PTPRD: variants seen among roughly 807,000 people sequenced by gnomAD.
PTPRD encodes receptor-type tyrosine-protein phosphatase delta.
PTPRD carries 34 observed loss-of-function variants against 214.5 expected under a neutral mutation model. That is an observed-to-expected ratio of 0.16 (90% CI 0.12 to 0.21). The LOEUF (loss-of-function observed/expected upper bound fraction) is 0.21. Among genes scored for constraint, PTPRD ranks in the 10% least tolerant of loss-of-function variants. PTPRD has a pLI of 1.00. For missense variants in PTPRD, 2,545 were observed against 2,398.7 expected, an observed-to-expected ratio of 1.06 and a Z score of -1.27; for synonymous variants, 1,128 against 845.7, an observed-to-expected ratio of 1.33 and a Z score of -5.79.
At chr9:9,463,954 A>T (rs923389049) in intron 8 of PTPRD, among the ~76,000 whole-genome samples, 2 of 152,158 alleles carry the variant, frequency 1.3e-5, no homozygotes. Context: ...CTCACTCATC[A>T]TGACTGCATA....
At chr9:9,033,442 AGG>A (rs1167125799) in intron 10 of PTPRD, among the ~76,000 whole-genome samples, 1 of 152,100 alleles carries the variant, frequency 6.6e-6, no homozygotes, top group Non-Finnish European at 1.5e-5. Flanking sequence ...CATCTCAGAA[AGG>A]GGAATTCTTC....
chr9:9,556,747 T>C (rs2081613044), intron 8 of PTPRD, among the ~76,000 whole-genome samples: 1 of 152,200 alleles, frequency 6.6e-6, no homozygotes, highest in African/African-American at 2.4e-5. Context: ...ACATCCAAAC[T>C]TCAAAATATA....
At chr9:10,231,593 C>A (rs764792343) in intron 3 of PTPRD, among the ~76,000 whole-genome samples, 2 of 151,722 alleles carry the variant, frequency 1.3e-5, no homozygotes, top group Non-Finnish European at 2.9e-5. Flanking sequence ...CATGCGTGAA[C>A]CTGTGTGTTA....
At chr9:9,699,545 C>G (rs2097450393) in intron 7 of PTPRD, among the ~76,000 whole-genome samples, 1 of 152,006 alleles carries the variant, frequency 6.6e-6, no homozygotes. Context: ...TAAAATGAAT[C>G]TTATCTATTA....
intron 11 of PTPRD, among the ~76,000 whole-genome samples, chr9:8,929,719 GTATATATATA>G (rs753838766): frequency 1.2e-5 from 1 of 84,186 alleles, no homozygotes; most frequent in Non-Finnish European, 2.8e-5. Flanking sequence ...ATATATATGT[GTATATATATA>G]TGTGTATATA....
At chr9:9,591,669 T>C (rs2092743750) in intron 7 of PTPRD, among the ~76,000 whole-genome samples, 1 of 152,102 alleles carries the variant, frequency 6.6e-6, no homozygotes, top group African/African-American at 2.4e-5. Flanking sequence ...CTTCTTAATA[T>C]GTGTTCTTTC....
chr9:10,011,444 C>T (rs1477051491), intron 4 of PTPRD, among the ~76,000 whole-genome samples: 1 of 151,924 alleles, frequency 6.6e-6, no homozygotes, highest in African/African-American at 2.4e-5. Flanking sequence ...CTTATTCTAA[C>T]TCATTTTTTG....
chr9:8,854,049 C>A (rs999294692), intron 11 of PTPRD, among the ~76,000 whole-genome samples: 1 of 152,106 alleles, frequency 6.6e-6, no homozygotes, highest in African/African-American at 2.4e-5. Flanking sequence ...ATATTTAGCA[C>A]TTCATATATC....
chr9:9,808,780 A>G (rs986423270), intron 5 of PTPRD, among the ~76,000 whole-genome samples: 49 of 152,122 alleles, frequency 3.2e-4, no homozygotes, highest in African/African-American at 1.2e-3. Context: ...ATTTTTACTT[A>G]ATTAATTTAG....
intron 5 of PTPRD, among the ~76,000 whole-genome samples, chr9:9,792,801 G>C (rs2098976651): frequency 6.6e-6 from 1 of 152,092 alleles, no homozygotes; most frequent in South Asian, 2.1e-4. Context: ...TAAAGCAGCT[G>C]GGACAGGTGT....
In PTPRD at chr9:8,486,193, T is replaced by A; in HGVS notation, c.2624A>T (p.Glu875Val). ...TGTAGCTGTAAAGTGATCTTCTTTT[T>A]CAGAGAACTCAAGAGTAGTAAGTGG... ...MEPLTTLEFSEKEDHFTATDI... is the reference protein window; with the variant it reads ...MEPLTTLEFSVKEDHFTATDI... Residue 875 changes from glutamate (E) to valine (V), a missense_variant, in exon 28 of 46, where the codon GAA becomes GTA. Transcript: ENST00000381196. The A allele has an allele frequency of 6.2e-7, 1 of 1,614,220 alleles. No individual in the cohort carries two copies.
chr9:9,966,238 ACTTC>A (rs2094690059), intron 4 of PTPRD, among the ~76,000 whole-genome samples: 1 of 152,164 alleles, frequency 6.6e-6, no homozygotes, highest in Non-Finnish European at 1.5e-5. Flanking sequence ...TTTATTCTCA[ACTTC>A]TAATTTATCA....
At chr9:8,519,070 T>G (rs1353325924) in intron 20 of PTPRD, among the ~76,000 whole-genome samples, 1 of 152,126 alleles carries the variant, frequency 6.6e-6, no homozygotes, top group African/African-American at 2.4e-5. Context: ...TACTAAAAAT[T>G]TTCTTGTAAA....
chr9:10,083,024 T>C (rs1225064060), intron 3 of PTPRD, among the ~76,000 whole-genome samples: 1 of 152,064 alleles, frequency 6.6e-6, no homozygotes, highest in Non-Finnish European at 1.5e-5. Context: ...TCTTTAATTT[T>C]CTTATTTGAT....
chr9:8,425,237 T>C (rs1467801003), intron 35 of PTPRD, among the ~76,000 whole-genome samples: 1 of 152,206 alleles, frequency 6.6e-6, no homozygotes, highest in Non-Finnish European at 1.5e-5. Context: ...GTTAAAATTT[T>C]CCCCGAAAGC....
chr9:9,096,787 G>A (rs778081049), intron 10 of PTPRD, among the ~76,000 whole-genome samples: 1 of 152,094 alleles, frequency 6.6e-6, no homozygotes, highest in Non-Finnish European at 1.5e-5. Flanking sequence ...AAGTAAATGA[G>A]GTTTATATAA....
At chr9:9,726,509 A>C (rs530814927) in intron 7 of PTPRD, among the ~76,000 whole-genome samples, 64 of 152,284 alleles carry the variant, frequency 4.2e-4, no homozygotes, top group African/African-American at 1.4e-3. Flanking sequence ...GGAAGATGCT[A>C]TGTTATTCTT....
chr9:8,618,914 G>GTTTTTTTT (rs554282961), intron 14 of PTPRD, among the ~76,000 whole-genome samples: 3 of 67,830 alleles, frequency 4.4e-5, no homozygotes, highest in Non-Finnish European at 8.0e-5. Context: ...GTGTTTTTTT[G>GTTTTTTTT]TTTTTTTTTT....
chr9:9,088,375 G>A (rs1317422587), intron 10 of PTPRD, among the ~76,000 whole-genome samples: 1 of 151,214 alleles, frequency 6.6e-6, no homozygotes, highest in Non-Finnish European at 1.5e-5. Flanking sequence ...ATCACCTGAG[G>A]TTGAGACTAG....
Sources: gnomAD v4.1 joint callset for allele counts (sites outside exome capture counted in the v4.1 genomes callset) on GRCh38, gnomAD v4.1.1 for gene constraint, MANE v1.5 for transcripts, NCBI Gene and HGNC (gene_info 2026-07-23, HGNC 2026-07-21) for gene names.